VAV1: variants seen among roughly 807,000 people sequenced by gnomAD.
VAV1 encodes proto-oncogene vav.
A neutral mutation model predicts 128.1 loss-of-function variants in VAV1; 33 were observed. The observed-to-expected ratio is 0.26, with a 90% CI of 0.20 to 0.34. The LOEUF (loss-of-function observed/expected upper bound fraction) is 0.34. Among genes scored for constraint, VAV1 ranks in the 10% least tolerant of loss-of-function variants. VAV1 has a pLI of 1.00. For missense variants in VAV1, 715 were observed against 1,093.7 expected (o/e 0.65, Z 4.88); for synonymous variants, 394 against 409.8 (o/e 0.96, Z 0.47).
At chr19:6,831,516 A>T (rs1972054080) in intron 14 of VAV1, among the ~76,000 whole-genome samples, 1 of 151,962 alleles carries the variant, frequency 6.6e-6, no homozygotes, top group Non-Finnish European at 1.5e-5. Flanking sequence ...GTTTCACCAC[A>T]TTGGTCAGGC....
rs1972710158 is a variant in VAV1 at position 6,853,196 on chromosome 19, T to C, written c.2332+117T>C. On this transcript the variant is annotated intron_variant, in intron 25 of 26. Transcript: ENST00000602142. ...CCTTGCAGAGGTCATATCTGTGCAGTAGCAGGAACCCCTTTCCACTCCTGT... is the reference window on the plus strand; with the variant it reads ...CCTTGCAGAGGTCATATCTGTGCAGCAGCAGGAACCCCTTTCCACTCCTGT... The C allele has an allele frequency of 8.6e-6, 5 of 578,222 alleles. 1 individual carries two copies. The South Asian group carries it at 1.1e-4, about 13-fold the overall frequency. 35.8% of individuals were successfully genotyped at this position (578,222 alleles called of 1,614,324 possible). A position where few individuals can be genotyped will look rare whatever the true frequency, so the allele number is the denominator to read the frequency against.
intron 1 of VAV1, among the ~76,000 whole-genome samples, chr19:6,816,879 G>T (rs547162058): frequency 4.0e-5 from 6 of 151,886 alleles, no homozygotes; most frequent in Non-Finnish European, 5.9e-5. Flanking sequence ...TGGGAGAACC[G>T]CTTGAACCTG....
At chr19:6,825,496 G>A in intron 8 of VAV1, 90 bp downstream of exon 8, 1 of 1,092,328 alleles carries the variant, frequency 9.2e-7, no homozygotes. Flanking sequence ...AGACACCACT[G>A]GACGGGGAGG....
At chr19:6,831,982 A>G (rs1010734659) in intron 14 of VAV1, 109 bp from the exon 15 acceptor site, 22 of 818,480 alleles carry the variant, frequency 2.7e-5, no homozygotes, top group Non-Finnish European at 4.3e-5. Context: ...CTAGGGGCAT[A>G]GAGACTGTCA....
chr19:6,814,875 G>A (rs994639070), intron 1 of VAV1, among the ~76,000 whole-genome samples: 2 of 151,450 alleles, frequency 1.3e-5, no homozygotes, highest in African/African-American at 4.9e-5. Context: ...ACAGTGTTTC[G>A]GTCTAGGTTT....
intron 23 of VAV1, among the ~76,000 whole-genome samples, chr19:6,850,225 G>GTTTTTTTTTTTTTTTTTTTTTTTTT (rs760967154): frequency 6.1e-5 from 3 of 49,038 alleles, no homozygotes; most frequent in African/African-American, 1.3e-4. Flanking sequence ...TTGTTTCTTT[G>GTTTTTTTTTTTTTTTTTTTTTTTTT]TTTTTTTTTT....
At chr19:6,774,427 C>CTTTTTTTTTTTTTTTTTTTTTTTTT (rs1002823385) in intron 1 of VAV1, among the ~76,000 whole-genome samples, 1 of 91,568 alleles carries the variant, frequency 1.1e-5, no homozygotes, top group East Asian at 2.9e-4. Context: ...CGCGCCCAGC[C>CTTTTTTTTTTTTTTTTTTTTTTTTT]TTTTTTTTTT....
chr19:6,816,202 G>A (rs1971644569), intron 1 of VAV1, among the ~76,000 whole-genome samples: 2 of 151,746 alleles, frequency 1.3e-5, no homozygotes, highest in African/African-American at 4.8e-5. Context: ...TTGTGTTTTT[G>A]GTTGAGACAT....
intron 1 of VAV1, among the ~76,000 whole-genome samples, chr19:6,814,681 T>TTTCC (rs1971595275): frequency 9.0e-6 from 1 of 110,804 alleles, no homozygotes; most frequent in Admixed American, 9.8e-5. Flanking sequence ...CCTTTCTTTC[T>TTTCC]TTCTTTCTTT....
intron 14 of VAV1, among the ~76,000 whole-genome samples, chr19:6,830,711 A>G (rs1972035322): frequency 6.6e-6 from 1 of 152,148 alleles, no homozygotes. Context: ...AAGTGCTGAG[A>G]TTACAAGCGT....
At chr19:6,823,218 C>T (rs182733254) in intron 6 of VAV1, among the ~76,000 whole-genome samples, 2 of 149,974 alleles carry the variant, frequency 1.3e-5, no homozygotes, top group Admixed American at 6.6e-5. Flanking sequence ...CTCTGCCTAC[C>T]GGGCTCAAGC....
rs1335470440 is a variant in VAV1 at position 6,786,015 on chromosome 19, C to T, written c.204+13004C>T. The stretch of plus-strand genomic sequence containing the variant: ...TTTCTAGATATAAAATCATAGATTT[C>T]GCCCTCCCAACTTCCCATTCTCTTT... On this transcript the variant is annotated intron_variant, in intron 1 of 26. Coordinates refer to ENST00000602142, the MANE Select transcript of VAV1 (RefSeq NM_005428.4). 2.6e-5 allele frequency among the ~76,000 whole-genome samples: 4 copies of T among 152,022 alleles called. No homozygotes were observed. In the East Asian group the frequency reaches 5.8e-4, roughly 22 times the overall value.
At chr19:6,807,039 T>C (rs1483129264) in intron 1 of VAV1, among the ~76,000 whole-genome samples, 1 of 152,136 alleles carries the variant, frequency 6.6e-6, no homozygotes, top group Non-Finnish European at 1.5e-5. Context: ...ACTGTAACAG[T>C]TAGGTAGAGA....
intron 1 of VAV1, among the ~76,000 whole-genome samples, chr19:6,774,888 G>A (rs1232298106): frequency 6.6e-6 from 1 of 150,880 alleles, no homozygotes; most frequent in East Asian, 2.0e-4. Context: ...CCAAGTAGCT[G>A]CGACTACAGG....
chr19:6,773,568 G>T (rs1970550368), intron 1 of VAV1, among the ~76,000 whole-genome samples: 2 of 152,106 alleles, frequency 1.3e-5, no homozygotes. Flanking sequence ...CAGCCCCAGG[G>T]ATCTGAGCTT....
Position 6,833,703 on chromosome 19 carries a change from T to G in VAV1, c.1709-8T>G, listed in dbSNP as rs752034769. 3.7e-6 allele frequency: 6 copies of G among 1,613,988 alleles called. No individual in the cohort carries two copies. The highest frequency in any genetic ancestry group is 1.3e-5 in the African/African-American group (1 of 74,902). The stretch of plus-strand genomic sequence containing the variant: ...CCCGTTCTCACCATTTCCTTTACCC[T>G]CCCGTAGATTTCCCAGGAACTATGA... On this transcript the variant is annotated splice_region_variant and splice_polypyrimidine_tract_variant and intron_variant, in intron 17 of 26. Coordinates refer to ENST00000602142, the MANE Select transcript of VAV1 (RefSeq NM_005428.4).
intron 4 of VAV1, 58 bp downstream of exon 4, chr19:6,821,917 GGT>G: frequency 6.2e-7 from 1 of 1,606,186 alleles, no homozygotes; most frequent in South Asian, 1.1e-5. Context: ...GGGGGTGGAG[GGT>G]GTGGGGGGAC....
At chr19:6,780,603 A>C in intron 1 of VAV1, among the ~76,000 whole-genome samples, 4 of 127,478 alleles carry the variant, frequency 3.1e-5, no homozygotes, top group East Asian at 2.1e-4. Flanking sequence ...ACGGAGTCTC[A>C]CTCTATTCCT....
intron 25 of VAV1, 110 bp downstream of exon 25, chr19:6,853,189 T>A: frequency 4.2e-6 from 3 of 707,528 alleles, no homozygotes; most frequent in Non-Finnish European, 6.8e-6. Flanking sequence ...AGGTCATATC[T>A]GTGCAGTAGC....
Sources: gnomAD v4.1 joint callset for allele counts (sites outside exome capture counted in the v4.1 genomes callset) on GRCh38, gnomAD v4.1.1 for gene constraint, MANE v1.5 for transcripts, NCBI Gene and HGNC (gene_info 2026-07-23, HGNC 2026-07-21) for gene names.